TBC1D22B: variants seen among roughly 807,000 people sequenced by gnomAD.
TBC1D22B encodes the protein chromosome 6 open reading frame 197.
In TBC1D22B, 32 loss-of-function variants were observed where a neutral mutation model predicts 69.1. That is an observed-to-expected ratio of 0.46 (90% CI 0.35 to 0.62). The LOEUF is 0.62. Among genes scored for constraint, TBC1D22B ranks in the 20% least tolerant of loss-of-function variants. The pLI is 0.00. For synonymous variants in TBC1D22B, 206 were observed against 229.8 expected (o/e 0.90, Z 0.94); for missense variants, 462 against 630.9 (o/e 0.73, Z 2.87).
At chr6:37,328,201 A>G (rs1768486234) in intron 12 of TBC1D22B, among the ~76,000 whole-genome samples, 2 of 152,256 alleles carry the variant, frequency 1.3e-5, no homozygotes, top group Admixed American at 1.3e-4. Context: ...GCTACTCGGG[A>G]GGCTGAGGCA....
intron 1 of TBC1D22B, among the ~76,000 whole-genome samples, chr6:37,263,108 A>G (rs566181369): frequency 6.6e-6 from 1 of 152,216 alleles, no homozygotes; most frequent in Non-Finnish European, 1.5e-5. Flanking sequence ...TCTAATCTTC[A>G]CTTACTAAAT....
At position 37,279,596 on chromosome 6, in the gene TBC1D22B, C is replaced by T; in HGVS notation, c.406C>T (p.Leu136=). 3.7e-6 allele frequency: 6 copies of T among 1,611,000 alleles called. No homozygotes were observed. The highest frequency in any genetic ancestry group is 5.1e-6 in the Non-Finnish European group (6 of 1,178,042). The stretch of plus-strand genomic sequence containing the variant: ...CATAAAGTCCAGCAGTGATGCCCAG[C>T]TGTCCAGAAACTCTAGTAAGTCCTT... ...KVIKSSSDAQ[L]SRNSSDTCLR... The change falls in exon 3 of 13, where the codon CTG becomes TTG. Residue 136 remains leucine, a synonymous_variant. Coordinates refer to ENST00000373491, the MANE Select transcript of TBC1D22B (RefSeq NM_017772.4).
chr6:37,303,402 C>T (rs992123404), intron 8 of TBC1D22B, among the ~76,000 whole-genome samples: 5 of 152,164 alleles, frequency 3.3e-5, no homozygotes, highest in African/African-American at 1.2e-4. Flanking sequence ...CAATCATTTA[C>T]AAAGCTCTGG....
intron 6 of TBC1D22B, among the ~76,000 whole-genome samples, chr6:37,285,970 T>C (rs195749): frequency 0.014 from 2,079 of 152,324 alleles, 42 homozygotes; most frequent in African/African-American, 0.045. Flanking sequence ...TCATCTCTGG[T>C]TCCCTATTTT....
chr6:37,331,387 C>G lies in TBC1D22B; in HGVS notation c.*215C>G. On this transcript the variant is annotated 3_prime_UTR_variant, in exon 13 of 13. Transcript: ENST00000373491. Reference sequence around the variant, plus strand: ...CAGTATTCCATGCCGCGTGGATGGGCCCAGTTCTGGGAGAGGACAGAAAAG... The same window carrying G: ...CAGTATTCCATGCCGCGTGGATGGGGCCAGTTCTGGGAGAGGACAGAAAAG... 3 of 517,698 alleles carry G rather than the reference C, an allele frequency of 5.8e-6. No homozygotes were observed. In the South Asian group the frequency reaches 6.8e-5, roughly 12 times the overall value. 32.1% of individuals were successfully genotyped at this position (517,698 alleles called of 1,614,324 possible).
chr6:37,302,693 A>G (rs1447795057), intron 8 of TBC1D22B, among the ~76,000 whole-genome samples: 1 of 152,194 alleles, frequency 6.6e-6, no homozygotes, highest in African/African-American at 2.4e-5. Context: ...ACAGCAGTGG[A>G]ACTCTCGGAA....
chr6:37,330,232 T>C (rs1308114907), intron 12 of TBC1D22B, among the ~76,000 whole-genome samples: 15 of 16,594 alleles, frequency 9.0e-4, no homozygotes, highest in African/African-American at 1.9e-3. Flanking sequence ...CTTTTTTTTT[T>C]TTTTTTTTTT....
At chr6:37,262,689 A>G (rs893725532) in intron 1 of TBC1D22B, among the ~76,000 whole-genome samples, 1 of 152,230 alleles carries the variant, frequency 6.6e-6, no homozygotes, top group Non-Finnish European at 1.5e-5. Flanking sequence ...ATACTAAATT[A>G]TCATCGAAAC....
At chr6:37,288,620 G>A (rs1384658143) in intron 7 of TBC1D22B, among the ~76,000 whole-genome samples, 1 of 151,894 alleles carries the variant, frequency 6.6e-6, no homozygotes, top group Non-Finnish European at 1.5e-5. Context: ...CTGTGCTACT[G>A]TGCCTGTGCT....
chr6:37,302,893 C>G (rs889995163), intron 8 of TBC1D22B, among the ~76,000 whole-genome samples: 2 of 152,188 alleles, frequency 1.3e-5, no homozygotes, highest in African/African-American at 4.8e-5. Context: ...TGATCTGGGG[C>G]TTATCTGCTG....
chr6:37,305,181 CTT>C (rs1767673996), intron 8 of TBC1D22B, among the ~76,000 whole-genome samples: 1 of 152,210 alleles, frequency 6.6e-6, no homozygotes, highest in Non-Finnish European at 1.5e-5. Context: ...ACATCTGACT[CTT>C]TGCATCAGCT....
intron 8 of TBC1D22B, among the ~76,000 whole-genome samples, chr6:37,310,157 T>C (rs1369422236): frequency 6.8e-6 from 1 of 147,210 alleles, no homozygotes; most frequent in African/African-American, 2.5e-5. Context: ...TATATAGATA[T>C]ACTTACATAT....
chr6:37,259,355 C>G (rs1332932389), intron 1 of TBC1D22B, among the ~76,000 whole-genome samples: 1 of 152,140 alleles, frequency 6.6e-6, no homozygotes, highest in Non-Finnish European at 1.5e-5. Flanking sequence ...CCAACTGATT[C>G]CTTTTCCTTC....
chr6:37,258,179 C>G, intron 1 of TBC1D22B: 2 of 586,226 alleles, frequency 3.4e-6, no homozygotes, highest in South Asian at 4.4e-5. Context: ...AGACCGGGGT[C>G]TGGGGGCGGA....
intron 12 of TBC1D22B, among the ~76,000 whole-genome samples, chr6:37,319,358 T>G (rs1313997618): frequency 6.6e-6 from 1 of 152,116 alleles, no homozygotes; most frequent in African/African-American, 2.4e-5. Flanking sequence ...GAGCATGAAG[T>G]TTAATTTAGT....
chr6:37,308,944 TAA>T (rs11311872), intron 8 of TBC1D22B, among the ~76,000 whole-genome samples: 614 of 141,092 alleles, frequency 4.4e-3, no homozygotes, highest in Admixed American at 5.1e-3. Flanking sequence ...TCCTGTCTCT[TAA>T]AAAAAAAAAA....
At chr6:37,262,240 C>T (rs764441209) in intron 1 of TBC1D22B, among the ~76,000 whole-genome samples, 1 of 152,058 alleles carries the variant, frequency 6.6e-6, no homozygotes, top group Non-Finnish European at 1.5e-5. Flanking sequence ...CCATGTTGGC[C>T]AGGCTGGTCT....
At chr6:37,281,937 C>T (rs368854965) in intron 3 of TBC1D22B, among the ~76,000 whole-genome samples, 2 of 152,344 alleles carry the variant, frequency 1.3e-5, no homozygotes, top group East Asian at 1.9e-4. Context: ...GCTGCAGCAT[C>T]TGGCGTCTCT....
At chr6:37,263,600 T>G (rs1016136463) in intron 1 of TBC1D22B, among the ~76,000 whole-genome samples, 4 of 152,210 alleles carry the variant, frequency 2.6e-5, no homozygotes, top group African/African-American at 9.7e-5. Context: ...GTTTTGTTTT[T>G]TTGACATGGA....
Sources: gnomAD v4.1 joint callset for allele counts (sites outside exome capture counted in the v4.1 genomes callset) on GRCh38, gnomAD v4.1.1 for gene constraint, MANE v1.5 for transcripts, NCBI Gene and HGNC (gene_info 2026-07-23, HGNC 2026-07-21) for gene names.